TRAPPC8: variants seen among roughly 807,000 people sequenced by gnomAD.
TRAPPC8 encodes the protein trafficking protein particle complex subunit 8, also known as general sporulation gene 1 homolog.
In TRAPPC8, 54 loss-of-function variants were observed where a neutral mutation model predicts 174.3. The ratio of observed to expected loss-of-function variants is 0.31; its 90% confidence interval spans 0.25 to 0.39. TRAPPC8 has a LOEUF of 0.39. Ranked by LOEUF, TRAPPC8 falls within the 10% of genes least tolerant of loss-of-function variation. TRAPPC8 has a pLI of 1.00. For missense variants in TRAPPC8, 1,531 were observed against 1,699.1 expected, an observed-to-expected ratio of 0.90 and a Z score of 1.74; for synonymous variants, 630 against 579.9, an observed-to-expected ratio of 1.09 and a Z score of -1.24.
At position 31,836,700 on chromosome 18, in the gene TRAPPC8, C is replaced by T. The variant is rs140203202; in HGVS notation, c.3983+2612G>A. 3.0e-3 allele frequency among the ~76,000 whole-genome samples: 452 copies of T among 151,424 alleles called. 2 individuals carry two copies. The highest frequency in any genetic ancestry group is 9.5e-3 in the African/African-American group (394 of 41,262). ...AAGAAAATCCAGATGCCAACCCCTACTCTGGGCCAATCAAACTGGAACCTC... is the reference window on the plus strand; with the variant it reads ...AAGAAAATCCAGATGCCAACCCCTATTCTGGGCCAATCAAACTGGAACCTC... On this transcript the variant is annotated intron_variant, in intron 27 of 28. Transcript: ENST00000283351.
rs751169239 is a variant in TRAPPC8 at position 31,857,900 on chromosome 18, C to T, written c.2828G>A (p.Cys943Tyr). 4.3e-6 allele frequency: 7 copies of T among 1,614,162 alleles called. No individual in the cohort carries two copies. The highest frequency in any genetic ancestry group is 1.7e-4 in the Middle Eastern group (1 of 6,060). The stretch of plus-strand genomic sequence containing the variant: ...AACAACCTTCAATCCAGTAAGTGGA[C>T]ATTTGCTGACATTGACAAATTCTAC... ...AYVEFVNVSK[C>Y]PLTGLKVVSK... The change falls in exon 20 of 29, where the codon TGT becomes TAT. Residue 943 changes from cysteine to tyrosine, a missense_variant. Transcript: ENST00000283351.
intron 27 of TRAPPC8, among the ~76,000 whole-genome samples, chr18:31,835,395 T>C (rs1761643498): frequency 6.6e-6 from 1 of 152,196 alleles, no homozygotes; most frequent in African/African-American, 2.4e-5. Context: ...CTTGTCATCA[T>C]TTTGGACAAC....
intron 11 of TRAPPC8, among the ~76,000 whole-genome samples, chr18:31,893,041 A>AC (rs2036028073): frequency 6.6e-6 from 1 of 151,136 alleles, no homozygotes. Context: ...AAAAAAAAAA[A>AC]CAACATCTTG....
At chr18:31,858,035 C>G in intron 19 of TRAPPC8, 53 bp from the exon 20 acceptor site, 1 of 1,434,740 alleles carries the variant, frequency 7.0e-7, no homozygotes, top group South Asian at 1.4e-5. Context: ...TTTTGAACCT[C>G]TAATGAATAA....
chr18:31,940,303 T>C (rs1265225752), intron 1 of TRAPPC8, among the ~76,000 whole-genome samples: 1 of 151,576 alleles, frequency 6.6e-6, no homozygotes, highest in Non-Finnish European at 1.5e-5. Context: ...GGTGAAACCC[T>C]GTCTCTACTA....
intron 2 of TRAPPC8, among the ~76,000 whole-genome samples, chr18:31,922,966 A>G (rs2145580397): frequency 6.6e-6 from 1 of 152,326 alleles, no homozygotes; most frequent in East Asian, 1.9e-4. Flanking sequence ...GCAGTAAGCC[A>G]AGAGAGAGCC....
chr18:31,879,485 G>A (rs1003187126), intron 12 of TRAPPC8, among the ~76,000 whole-genome samples: 5 of 152,118 alleles, frequency 3.3e-5, no homozygotes, highest in African/African-American at 1.2e-4. Flanking sequence ...GCAGTGTTAA[G>A]AGGAAAGTTT....
chr18:31,841,418 T>TA (rs2033092074), intron 26 of TRAPPC8, among the ~76,000 whole-genome samples: 1 of 152,112 alleles, frequency 6.6e-6, no homozygotes, highest in South Asian at 2.1e-4. Context: ...AACAGAAATG[T>TA]GATTAAGGGG....
chr18:31,921,157 A>G (rs1236820160), intron 2 of TRAPPC8, among the ~76,000 whole-genome samples: 2 of 152,256 alleles, frequency 1.3e-5, no homozygotes, highest in South Asian at 2.1e-4. Context: ...AAAAGTATGC[A>G]TTTTTGTGCA....
chr18:31,835,646 C>T (rs879179264), intron 27 of TRAPPC8, among the ~76,000 whole-genome samples: 1 of 152,198 alleles, frequency 6.6e-6, no homozygotes, highest in African/African-American at 2.4e-5. Flanking sequence ...GAGTTTTACA[C>T]AGACACCCAG....
intron 22 of TRAPPC8, 38 bp from the exon 23 acceptor site, chr18:31,852,701 G>A: frequency 2.6e-6 from 4 of 1,535,006 alleles, no homozygotes; most frequent in Admixed American, 1.7e-5. Context: ...ATGTTTCTCA[G>A]TTCATCACAT....
intron 12 of TRAPPC8, 141 bp from the exon 13 acceptor site, chr18:31,874,845 T>G: frequency 1.5e-6 from 1 of 681,732 alleles, no homozygotes. Flanking sequence ...AAAATAAAAC[T>G]AACATTTATG....
At chr18:31,847,887 T>C (rs1319814869) in intron 25 of TRAPPC8, among the ~76,000 whole-genome samples, 1 of 152,098 alleles carries the variant, frequency 6.6e-6, no homozygotes, top group Non-Finnish European at 1.5e-5. Context: ...ACCTTTATTT[T>C]GGATTAAAGT....
intron 2 of TRAPPC8, among the ~76,000 whole-genome samples, chr18:31,922,057 A>G (rs1385847101): frequency 6.6e-6 from 1 of 152,210 alleles, no homozygotes; most frequent in Non-Finnish European, 1.5e-5. Flanking sequence ...CTAAAAGAGT[A>G]ACTGTAATTA....
chr18:31,872,841 T>C (rs993777723), intron 14 of TRAPPC8, among the ~76,000 whole-genome samples: 1 of 152,106 alleles, frequency 6.6e-6, no homozygotes, highest in Non-Finnish European at 1.5e-5. Context: ...TTATGAAGAT[T>C]ATATAATAAC....
Position 31,855,268 on chromosome 18 carries a change from A to T in TRAPPC8, c.3336+392T>A, listed in dbSNP as rs184157938. 4.1e-4 allele frequency among the ~76,000 whole-genome samples: 63 copies of T among 152,342 alleles called. 1 individual carries two copies. In the South Asian group the frequency reaches 0.011, roughly 26 times the overall value. Reference sequence around the variant, plus strand: ...TTTCAGAAATTTACTATATAAAGGAAATGGCACTGTTAGAAATGTGCAAGT... The same window carrying T: ...TTTCAGAAATTTACTATATAAAGGATATGGCACTGTTAGAAATGTGCAAGT... On this transcript the variant is annotated intron_variant, in intron 21 of 28. Coordinates refer to ENST00000283351, the MANE Select transcript of TRAPPC8 (RefSeq NM_014939.5).
intron 5 of TRAPPC8, among the ~76,000 whole-genome samples, chr18:31,911,151 A>C (rs1451694601): frequency 6.6e-6 from 1 of 152,230 alleles, no homozygotes; most frequent in Non-Finnish European, 1.5e-5. Flanking sequence ...TTTGTAATTG[A>C]TTTTTTAAAT....
At chr18:31,932,885 G>A (rs1376529092) in intron 1 of TRAPPC8, among the ~76,000 whole-genome samples, 1 of 151,774 alleles carries the variant, frequency 6.6e-6, no homozygotes, top group Non-Finnish European at 1.5e-5. Flanking sequence ...GGGACGCTGA[G>A]GCAGGAGAAT....
chr18:31,934,607 C>T (rs2037998156), intron 1 of TRAPPC8, among the ~76,000 whole-genome samples: 1 of 152,116 alleles, frequency 6.6e-6, no homozygotes, highest in African/African-American at 2.4e-5. Context: ...GTGGCTCACA[C>T]CTGTAATCCC....
Sources: gnomAD v4.1 joint callset for allele counts (sites outside exome capture counted in the v4.1 genomes callset) on GRCh38, gnomAD v4.1.1 for gene constraint, MANE v1.5 for transcripts, NCBI Gene and HGNC (gene_info 2026-07-23, HGNC 2026-07-21) for gene names.